Variants in CAPN2 observed in about 807,000 individuals in gnomAD.
CAPN2 encodes calpain 2, also known as calpain-2 catalytic subunit.
CAPN2 carries 92 observed loss-of-function variants against 102.3 expected under a neutral mutation model. That is an observed-to-expected ratio of 0.90 (90% CI 0.76 to 1.07). The LOEUF (loss-of-function observed/expected upper bound fraction) is 1.07, where lower values mean the gene tolerates loss of function less well. Ranked by LOEUF, CAPN2 falls within the 50% of genes least tolerant of loss-of-function variation. The pLI is 0.00. For missense variants in CAPN2, 800 were observed against 909.4 expected, an observed-to-expected ratio of 0.88 and a Z score of 1.55; for synonymous variants, 340 against 355.4, an observed-to-expected ratio of 0.96 and a Z score of 0.49.
rs1660997546 is a variant in CAPN2, at chr1:223,755,107, C to A, written c.1136-373C>A. Among the ~76,000 whole-genome samples the A allele has an allele frequency of 6.6e-6, 1 of 152,150 alleles. No individual in the cohort carries two copies. Among genetic ancestry groups the A allele is most frequent in the African/African-American group, 2.4e-5 (1 of 41,430 alleles). On this transcript the variant is annotated intron_variant, in intron 9 of 20. Transcript: ENST00000295006. The surrounding 1 kb of genome is among the most constrained non-coding windows in gnomAD (Gnocchi z 4.1). ...CCCGTCTCCAGCCTAACAAAGCCTGCAGTCCACACTCCAACCCTGGTGTCT... is the reference window on the plus strand; with the variant it reads ...CCCGTCTCCAGCCTAACAAAGCCTGAAGTCCACACTCCAACCCTGGTGTCT...
At position 223,756,885 on chromosome 1, in the gene CAPN2, G is replaced by A. The variant is rs190332419; in HGVS notation, c.1306-484G>A. On this transcript the variant is annotated intron_variant, in intron 10 of 20. Transcript: ENST00000295006. The surrounding 1 kb of genome is among the most constrained non-coding windows in gnomAD (Gnocchi z 4.1). ...AGCCACGGGCTTTCAGAGTTGGGAC[G>A]GACCTTGGGGATCACTGGGTCCTAT... is the stretch of plus-strand genomic sequence containing the variant. 1.3e-5 allele frequency among the ~76,000 whole-genome samples: 2 copies of A among 152,296 alleles called. No individual in the cohort carries two copies. Among genetic ancestry groups the A allele is most frequent in the South Asian group, 2.1e-4 (1 of 4,824 alleles).
Position 223,754,198 on chromosome 1 carries a change from C to T in CAPN2, c.1135+1242C>T, listed in dbSNP as rs1239272985. On this transcript the variant is annotated intron_variant, in intron 9 of 20. Transcript: ENST00000295006. This position sits in a 1 kb window ranked among gnomAD's most constrained non-coding sequence, Gnocchi z 4.7. ...CTCTGTGACAGATGAGGAAGCTGAGCCTCTAAGTCGCATACCAGGGCCACA... is the reference window on the plus strand; with the variant it reads ...CTCTGTGACAGATGAGGAAGCTGAGTCTCTAAGTCGCATACCAGGGCCACA... 6.6e-6 allele frequency among the ~76,000 whole-genome samples: 1 copy of T among 152,184 alleles called. No individual in the cohort carries two copies. Among genetic ancestry groups the T allele is most frequent in the Non-Finnish European group, 1.5e-5 (1 of 68,030 alleles).
chr1:223,704,129 A>G (rs1333457185), intron 1 of CAPN2, among the ~76,000 whole-genome samples: 7 of 152,142 alleles, frequency 4.6e-5, no homozygotes, highest in Non-Finnish European at 1.0e-4. Context: ...CGTCTCTACT[A>G]AAAATACAAA....
At chr1:223,772,353 T>A (rs1001768929) in intron 20 of CAPN2, 114 bp downstream of exon 20, 10 of 834,462 alleles carry the variant, frequency 1.2e-5, no homozygotes, top group Non-Finnish European at 2.0e-5. Context: ...GCTCTTGGTC[T>A]GTCGGGGCCA....
In CAPN2 at chr1:223,755,750, G is replaced by A. The variant is rs1286607977; in HGVS notation, c.1305+101G>A. The A allele has an allele frequency of 8.2e-7, 1 of 1,226,420 alleles. No homozygotes were observed. The highest frequency in any genetic ancestry group is 1.5e-5 in the African/African-American group (1 of 64,762). 76.0% of individuals were successfully genotyped at this position (1,226,420 alleles called of 1,614,324 possible). ...AGGCAGAACTGGGGATGGGATCCCA[G>A]ACCGGGAGCTTGGCCAAGGAAAAAC... On this transcript the variant is annotated intron_variant, in intron 10 of 20. Coordinates refer to ENST00000295006, the MANE Select transcript of CAPN2 (RefSeq NM_001748.5). This position sits in a 1 kb window ranked among gnomAD's most constrained non-coding sequence, Gnocchi z 4.1.
chr1:223,714,703 A>C (rs1659831025), intron 1 of CAPN2, among the ~76,000 whole-genome samples: 1 of 151,940 alleles, frequency 6.6e-6, no homozygotes, highest in South Asian at 2.1e-4. Context: ...CAGTTTACAT[A>C]GTGAGTTCAC....
intron 20 of CAPN2, among the ~76,000 whole-genome samples, chr1:223,773,822 C>T (rs945377843): frequency 6.6e-6 from 1 of 151,782 alleles, no homozygotes; most frequent in African/African-American, 2.4e-5. Context: ...TGCCACTGCA[C>T]TCCAGCCTAG....
At chr1:223,740,364 G>C (rs142665636) in intron 2 of CAPN2, among the ~76,000 whole-genome samples, 1 of 152,178 alleles carries the variant, frequency 6.6e-6, no homozygotes, top group Non-Finnish European at 1.5e-5. Flanking sequence ...GTTTTGCCAC[G>C]AGAGTACACC....
At position 223,755,329 on chromosome 1, in the gene CAPN2, C is replaced by CCCCACCACCTCTTACCATCT. The variant is rs1243884305; in HGVS notation, c.1136-139_1136-120dup. 4.3e-6 allele frequency: 3 copies of CCCCACCACCTCTTACCATCT among 690,546 alleles called. No individual in the cohort carries two copies. The highest frequency in any genetic ancestry group is 3.7e-5 in the African/African-American group (2 of 54,682). 42.8% of individuals were successfully genotyped at this position (690,546 alleles called of 1,614,324 possible). ...CCATACTCTGCCATCTCCCACCATC[C>CCCCACCACCTCTTACCATCT]CCCACCACCTCTTACCATCTCCCAC... On this transcript the variant is annotated intron_variant, in intron 9 of 20. Transcript: ENST00000295006. This position sits in a 1 kb window ranked among gnomAD's most constrained non-coding sequence, Gnocchi z 4.1.
intron 1 of CAPN2, among the ~76,000 whole-genome samples, chr1:223,716,621 G>A (rs17557288): frequency 0.067 from 10,104 of 151,774 alleles, 407 homozygotes; most frequent in Non-Finnish European, 0.094. Flanking sequence ...TTGACAGAGT[G>A]GGCATGCCGA....
Position 223,757,433 on chromosome 1 carries a change from T to C in CAPN2, c.1317+53T>C. The stretch of plus-strand genomic sequence containing the variant: ...TCAGGTCACCAAAAAAGCGAGAGGC[T>C]TAGACTGCTGGAGCTCAGGGAGCGT... On this transcript the variant is annotated intron_variant, in intron 11 of 20. Transcript: ENST00000295006. 1.9e-6 allele frequency: 3 copies of C among 1,606,986 alleles called. No homozygotes were observed. In the South Asian group the frequency reaches 3.3e-5, roughly 18 times the overall value.
intron 1 of CAPN2, among the ~76,000 whole-genome samples, chr1:223,714,196 G>A (rs1214263046): frequency 6.6e-6 from 1 of 152,116 alleles, no homozygotes; most frequent in African/African-American, 2.4e-5. Context: ...TCACAGTTTA[G>A]AATATAATCA....
At position 223,712,708 on chromosome 1, in the gene CAPN2, G is replaced by C. The variant is rs549923241; in HGVS notation, c.68G>C (p.Arg23Thr). Reference sequence around the variant, plus strand: ...GCCGAGGGGCTGGGCTCCCACGACAGGGCCATCAAGTACCTCAACCAGGAC... The same window carrying C: ...GCCGAGGGGCTGGGCTCCCACGACACGGCCATCAAGTACCTCAACCAGGAC... ...EAAEGLGSHD[R>T]AIKYLNQDYE... Residue 23 changes from arginine (R) to threonine (T), a missense_variant, in exon 1 of 21, where the codon AGG (arginine) becomes ACG (threonine). Transcript: ENST00000295006. 1.7e-5 allele frequency: 27 copies of C among 1,582,058 alleles called. No individual in the cohort carries two copies. Among genetic ancestry groups the C allele is most frequent in the Non-Finnish European group, 2.3e-5 (27 of 1,166,652 alleles).
intron 4 of CAPN2, among the ~76,000 whole-genome samples, chr1:223,746,501 C>T (rs572478090): frequency 4.5e-5 from 4 of 88,026 alleles, no homozygotes; most frequent in African/African-American, 3.6e-4. Context: ...TTTTTTAATA[C>T]GGAGCCTCAT....
At chr1:223,708,181 C>A (rs1659653022), upstream of CAPN2, among the ~76,000 whole-genome samples, 1 of 152,172 alleles carries the variant, frequency 6.6e-6, no homozygotes, top group Non-Finnish European at 1.5e-5. Context: ...AACCATTACA[C>A]AATGGAACCT....
At chr1:223,735,664 G>C (rs912348685) in intron 2 of CAPN2, among the ~76,000 whole-genome samples, 2 of 152,186 alleles carry the variant, frequency 1.3e-5, no homozygotes, top group Non-Finnish European at 2.9e-5. Flanking sequence ...ACCACCTGAA[G>C]GCTCAACGTG....
At chr1:223,764,310 C>T (rs932057400) in intron 15 of CAPN2, 103 bp downstream of exon 15, 4 of 898,682 alleles carry the variant, frequency 4.5e-6, no homozygotes, top group Admixed American at 3.4e-5. Flanking sequence ...TGTGACTAAA[C>T]CACCACCCTC....
In CAPN2 at chr1:223,750,902, G is replaced by A. The variant is rs751524669; in HGVS notation, c.826G>A (p.Gly276Arg). The A allele has an allele frequency of 1.5e-5, 24 of 1,552,028 alleles. No homozygotes were observed. The South Asian group carries it at 1.7e-4, about 11-fold the overall frequency. The change falls in exon 7 of 21, where the codon GGA (glycine) becomes AGA (arginine). Residue 276 changes from glycine to arginine, a missense_variant. Coordinates refer to ENST00000295006, the MANE Select transcript of CAPN2 (RefSeq NM_001748.5). The stretch of plus-strand genomic sequence containing the variant: ...TCTAATCCTGCAGGTTGAAAGTAAC[G>A]GAAGCCTACAGAAACTGATCCGCAT... ...VTGAEEVESN[G>R]SLQKLIRIRN...
intron 19 of CAPN2, 68 bp downstream of exon 19, chr1:223,771,993 C>T (rs1166842419): frequency 9.3e-5 from 111 of 1,197,184 alleles, no homozygotes; most frequent in Non-Finnish European, 1.3e-4. Context: ...CCTTTCACCT[C>T]GGTGAAATCA....
Sources: gnomAD v4.1 joint callset for allele counts (sites outside exome capture counted in the v4.1 genomes callset) on GRCh38, gnomAD v4.1.1 for gene constraint, Gnocchi (gnomAD v3.1) non-coding constraint, MANE v1.5 for transcripts, NCBI Gene and HGNC (gene_info 2026-07-23, HGNC 2026-07-21) for gene names.